Variants in BTRC observed in about 807,000 individuals in gnomAD.
BTRC encodes beta-transducin repeat containing E3 ubiquitin protein ligase.
Under a neutral mutation model 85.5 loss-of-function variants are expected in BTRC, and 42 were observed. That is an observed-to-expected ratio of 0.49 (90% CI 0.38 to 0.64). The LOEUF (loss-of-function observed/expected upper bound fraction) is 0.64, where lower values mean the gene tolerates loss of function less well. Among genes scored for constraint, BTRC ranks in the 30% least tolerant of loss-of-function variants. The probability of loss-of-function intolerance (pLI) is 0.00; values close to 1 mark genes in which losing one functional copy is unlikely to be tolerated. For missense variants in BTRC, 594 were observed against 743.5 expected, an observed-to-expected ratio of 0.80 and a Z score of 2.34; for synonymous variants, 255 against 263.3, an observed-to-expected ratio of 0.97 and a Z score of 0.30.
At chr10:101,450,755 G>GTGATA (rs1944938012) in intron 2 of BTRC, among the ~76,000 whole-genome samples, 1 of 152,072 alleles carries the variant, frequency 6.6e-6, no homozygotes, top group African/African-American at 2.4e-5. Flanking sequence ...AGTAAACAAG[G>GTGATA]TGATATGTGT....
chr10:101,535,550 C>A, intron 11 of BTRC, 78 bp downstream of exon 11: 1 of 985,144 alleles, frequency 1.0e-6, no homozygotes, highest in Non-Finnish European at 1.5e-6. Context: ...TCATACAAGT[C>A]TTCAATTTTG....
intron 5 of BTRC, among the ~76,000 whole-genome samples, chr10:101,523,579 T>A (rs1321875889): frequency 6.6e-6 from 1 of 152,166 alleles, no homozygotes; most frequent in African/African-American, 2.4e-5. Flanking sequence ...TATAGGAAAC[T>A]TAGAAAATAT....
intron 4 of BTRC, among the ~76,000 whole-genome samples, chr10:101,482,253 T>G (rs1945853829): frequency 6.6e-6 from 1 of 152,182 alleles, no homozygotes; most frequent in South Asian, 2.1e-4. Flanking sequence ...GCTTCTGACC[T>G]CAGGTGATCT....
At chr10:101,388,736 C>T (rs527915779) in intron 1 of BTRC, among the ~76,000 whole-genome samples, 1 of 152,270 alleles carries the variant, frequency 6.6e-6, no homozygotes, top group East Asian at 1.9e-4. Flanking sequence ...AGCAATCTGC[C>T]CACCTCAGCC....
At chr10:101,481,685 A>G (rs926346173) in intron 4 of BTRC, among the ~76,000 whole-genome samples, 1 of 152,132 alleles carries the variant, frequency 6.6e-6, no homozygotes, top group Non-Finnish European at 1.5e-5. Context: ...TGAGAAAGTA[A>G]GTTTGCTCAT....
At chr10:101,528,719 C>T (rs780888285) in intron 6 of BTRC, among the ~76,000 whole-genome samples, 1 of 151,952 alleles carries the variant, frequency 6.6e-6, no homozygotes, top group Non-Finnish European at 1.5e-5. Context: ...AAATTTACTC[C>T]ATCAGTTTCT....
chr10:101,388,571 C>T (rs1943145345), intron 1 of BTRC, among the ~76,000 whole-genome samples: 2 of 152,184 alleles, frequency 1.3e-5, no homozygotes, highest in South Asian at 4.2e-4. Context: ...CTCACTGCTG[C>T]CTCGACCTCC....
chr10:101,454,622 A>G (rs1945028529), intron 2 of BTRC, among the ~76,000 whole-genome samples: 1 of 152,158 alleles, frequency 6.6e-6, no homozygotes, highest in Non-Finnish European at 1.5e-5. Flanking sequence ...ATCTACAAAA[A>G]AACAGAAAAA....
intron 2 of BTRC, among the ~76,000 whole-genome samples, chr10:101,456,598 G>A (rs746518865): frequency 6.6e-5 from 10 of 151,906 alleles, no homozygotes; most frequent in Non-Finnish European, 1.0e-4. Flanking sequence ...TTTTTTATTC[G>A]CCCAGTTTGG....
rs72839402 is a variant in BTRC, at chr10:101,493,533, G to A, written c.324+14076G>A. Among the ~76,000 whole-genome samples the A allele has an allele frequency of 5.8e-3, 878 of 152,256 alleles. 7 individuals are homozygous for A. Among genetic ancestry groups the A allele is most frequent in the Non-Finnish European group, 9.7e-3 (657 of 68,012 alleles). ...GTGAATTTTAATACATAGAAATTAG[G>A]GTAGATGTAGCAAATGGGGGGATTA... On this transcript the variant is annotated intron_variant, in intron 4 of 14. Coordinates refer to ENST00000370187, the MANE Select transcript of BTRC (RefSeq NM_033637.4).
chr10:101,410,545 C>T lies in BTRC; in HGVS notation c.49-19800C>T, dbSNP rs148494365. 8.6e-5 allele frequency among the ~76,000 whole-genome samples: 13 copies of T among 151,994 alleles called. No individual in the cohort carries two copies. The East Asian group carries it at 1.9e-3, about 23-fold the overall frequency. Reference sequence around the variant, plus strand: ...AGGAGAATTGCTTGAATCTGGGAGTCGGAGATTGCAGTGAGCCGAGATCAT... The same window carrying T: ...AGGAGAATTGCTTGAATCTGGGAGTTGGAGATTGCAGTGAGCCGAGATCAT... On this transcript the variant is annotated intron_variant, in intron 1 of 14. Transcript: ENST00000370187.
intron 1 of BTRC, among the ~76,000 whole-genome samples, chr10:101,366,955 TATATTTATA>T (rs1942449393): frequency 2.0e-5 from 1 of 50,978 alleles, no homozygotes; most frequent in African/African-American, 6.0e-5. Flanking sequence ...TATTTATATA[TATATTTATA>T]TAAATATATA....
intron 2 of BTRC, among the ~76,000 whole-genome samples, chr10:101,460,543 A>G (rs1945197365): frequency 6.6e-6 from 1 of 152,212 alleles, no homozygotes. Flanking sequence ...TAAAATATCA[A>G]GTTAAACCTC....
At chr10:101,399,096 G>A (rs989848614) in intron 1 of BTRC, among the ~76,000 whole-genome samples, 7 of 152,122 alleles carry the variant, frequency 4.6e-5, no homozygotes, top group Non-Finnish European at 8.8e-5. Context: ...GGGACTACAG[G>A]CATGCGCCAC....
chr10:101,402,864 A>C (rs1943525318), intron 1 of BTRC, among the ~76,000 whole-genome samples: 1 of 152,204 alleles, frequency 6.6e-6, no homozygotes, highest in Non-Finnish European at 1.5e-5. Context: ...AAGCATCCAG[A>C]GGTTATAACA....
chr10:101,386,483 C>CT (rs1267511885), intron 1 of BTRC, among the ~76,000 whole-genome samples: 3 of 152,146 alleles, frequency 2.0e-5, no homozygotes, highest in South Asian at 2.1e-4. Context: ...TCAAGAAAGA[C>CT]TTTTTTGTGA....
At chr10:101,485,205 T>G (rs1265098257) in intron 4 of BTRC, among the ~76,000 whole-genome samples, 1 of 151,772 alleles carries the variant, frequency 6.6e-6, no homozygotes, top group Non-Finnish European at 1.5e-5. Flanking sequence ...AAAAAAAAAG[T>G]CCAGACCCCA....
intron 4 of BTRC, among the ~76,000 whole-genome samples, chr10:101,497,947 G>A (rs1300543844): frequency 6.6e-6 from 1 of 152,020 alleles, no homozygotes; most frequent in Non-Finnish European, 1.5e-5. Context: ...TTGAACCTGG[G>A]AGGCAGAGCC....
intron 5 of BTRC, among the ~76,000 whole-genome samples, chr10:101,525,125 AAAG>A (rs1164189614): frequency 1.3e-5 from 2 of 152,198 alleles, no homozygotes; most frequent in African/African-American, 4.8e-5. Context: ...ACAGCAGGCA[AAAG>A]AAGTTTTTTT....
Sources: gnomAD v4.1 joint callset for allele counts (sites outside exome capture counted in the v4.1 genomes callset) on GRCh38, gnomAD v4.1.1 for gene constraint, MANE v1.5 for transcripts, NCBI Gene and HGNC (gene_info 2026-07-23, HGNC 2026-07-21) for gene names.